Variants in L3MBTL1 observed in about 807,000 individuals in gnomAD.
The protein encoded by L3MBTL1 is L3MBTL histone methyl-lysine binding protein 1.
L3MBTL1 carries 75 observed loss-of-function variants against 105.3 expected under a neutral mutation model. The observed-to-expected ratio is 0.71, with a 90% CI of 0.59 to 0.86. The LOEUF (loss-of-function observed/expected upper bound fraction) is 0.86, where lower values mean the gene tolerates loss of function less well. Ranked by LOEUF, L3MBTL1 falls within the 40% of genes least tolerant of loss-of-function variation. L3MBTL1 has a pLI of 0.00. For synonymous variants in L3MBTL1, 452 were observed against 436.2 expected (o/e 1.04, Z -0.45); for missense variants, 1,069 against 1,126.4 (o/e 0.95, Z 0.73).
At chr20:43,540,084 A>G in intron 19 of L3MBTL1, 67 bp from the exon 20 acceptor site, 2 of 1,582,514 alleles carry the variant, frequency 1.3e-6, no homozygotes, top group Non-Finnish European at 8.6e-7. Flanking sequence ...TGGTGTGGGT[A>G]TGCATGGGCT....
intron 8 of L3MBTL1, chr20:43,528,987 A>G: frequency 1.7e-6 from 1 of 601,986 alleles, no homozygotes; most frequent in Non-Finnish European, 3.0e-6. Context: ...AGACTTTTGA[A>G]TTCTGGTGAC....
intron 8 of L3MBTL1, 131 bp downstream of exon 8, chr20:43,528,876 C>T: frequency 1.3e-6 from 1 of 743,108 alleles, no homozygotes; most frequent in Non-Finnish European, 2.4e-6. Context: ...AAGGGAGAGA[C>T]TGTTTAGGGG....
In L3MBTL1 at chr20:43,530,426, C is replaced by G. The variant is rs375113212; in HGVS notation, c.1192+7C>G. On this transcript the variant is annotated splice_region_variant and intron_variant, in intron 10 of 21. Transcript: ENST00000418998. ...AAGCTGCAGCCTCCCAAAGGTAAGG[C>G]CTAGCTGGGTTGGTCACAGTGAGGC... 3 of 1,613,312 alleles carry G rather than the reference C, an allele frequency of 1.9e-6. No homozygotes were observed. In the African/African-American group the frequency reaches 4.0e-5, roughly 22 times the overall value.
Sources: allele counts gnomAD v4.1 joint callset, GRCh38; gene constraint gnomAD v4.1.1; transcripts MANE v1.5; gene names NCBI Gene and HGNC (gene_info 2026-07-23, HGNC 2026-07-21).